The following HHAT variants were observed in gnomAD, a reference collection of about 807,000 sequenced individuals.
The protein encoded by HHAT is protein-cysteine N-palmitoyltransferase HHAT.
A neutral mutation model predicts 70.8 loss-of-function variants in HHAT; 47 were observed. The observed-to-expected ratio is 0.66, with a 90% CI of 0.53 to 0.85. The LOEUF (loss-of-function observed/expected upper bound fraction) is 0.85. Ranked by LOEUF, HHAT falls within the 40% of genes least tolerant of loss-of-function variation. HHAT has a pLI of 0.00. For missense variants in HHAT, 609 were observed against 604.8 expected, an observed-to-expected ratio of 1.01 and a Z score of -0.07; for synonymous variants, 228 against 247.6, an observed-to-expected ratio of 0.92 and a Z score of 0.74.
At chr1:210,500,048 G>A (rs2094723964) in intron 8 of HHAT, among the ~76,000 whole-genome samples, 1 of 152,288 alleles carries the variant, frequency 6.6e-6, no homozygotes, top group Non-Finnish European at 1.5e-5. Context: ...CAATATAAAA[G>A]GAGGGAAAGC....
chr1:210,511,482 G>A (rs954258640), intron 8 of HHAT, among the ~76,000 whole-genome samples: 3 of 152,144 alleles, frequency 2.0e-5, no homozygotes, highest in African/African-American at 7.2e-5. Flanking sequence ...GTAATCACCT[G>A]TCATATGTCA....
rs1553312397 is a variant in HHAT at position 210,637,871 on chromosome 1, A to AG, written c.1390+14209dup. On this transcript the variant is annotated intron_variant, in intron 11 of 11. Coordinates refer to ENST00000261458, the MANE Select transcript of HHAT (RefSeq NM_018194.6). ...GAGACTCCGTCTCAAAAAAAAAAAA[A>AG]GGGGGGGGCAAAGGACCTGAATAGA... 1.7e-3 allele frequency among the ~76,000 whole-genome samples: 203 copies of AG among 117,502 alleles called. 9 individuals are homozygous for AG. The South Asian group carries it at 0.021, about 12-fold the overall frequency. 77.1% of individuals were successfully genotyped at this position (117,502 alleles called of 152,430 possible).
chr1:210,510,951 A>G (rs764209411), intron 8 of HHAT, among the ~76,000 whole-genome samples: 1 of 152,156 alleles, frequency 6.6e-6, no homozygotes, highest in African/African-American at 2.4e-5. Context: ...AAAAGGCTCT[A>G]CAAGCTTTGG....
chr1:210,538,124 A>T (rs1558117907), intron 9 of HHAT, among the ~76,000 whole-genome samples: 1 of 150,188 alleles, frequency 6.7e-6, no homozygotes. Context: ...GAATGGATTC[A>T]TTGTATCCCG....
At chr1:210,514,654 A>G (rs544675537) in intron 9 of HHAT, among the ~76,000 whole-genome samples, 1 of 152,304 alleles carries the variant, frequency 6.6e-6, no homozygotes, top group East Asian at 1.9e-4. Flanking sequence ...TATAGGATCA[A>G]CCTTCAACAA....
intron 7 of HHAT, chr1:210,439,782 C>T (rs2093463576): frequency 6.6e-6 from 1 of 151,996 alleles, no homozygotes; most frequent in African/African-American, 2.4e-5. Context: ...CATCTGAAAG[C>T]CTTACACAGG....
intron 10 of HHAT, among the ~76,000 whole-genome samples, chr1:210,598,608 GC>G (rs1198983001): frequency 6.6e-6 from 1 of 152,172 alleles, no homozygotes; most frequent in East Asian, 1.9e-4. Context: ...TGACAGGGCA[GC>G]CCTGAGTTCC....
intron 9 of HHAT, among the ~76,000 whole-genome samples, chr1:210,545,118 T>C (rs533847785): frequency 6.6e-6 from 1 of 152,098 alleles, no homozygotes; most frequent in East Asian, 1.9e-4. Flanking sequence ...CAAGGTACCC[T>C]TTGCTTAAAA....
chr1:210,473,429 G>A (rs1272261202), intron 8 of HHAT, among the ~76,000 whole-genome samples: 1 of 152,120 alleles, frequency 6.6e-6, no homozygotes, highest in Non-Finnish European at 1.5e-5. Flanking sequence ...GCCAAGAGGA[G>A]GGGTCCATTC....
intron 9 of HHAT, among the ~76,000 whole-genome samples, chr1:210,553,535 G>A (rs1424921987): frequency 1.3e-5 from 2 of 152,202 alleles, no homozygotes; most frequent in East Asian, 3.9e-4. Context: ...TCTGGGTATC[G>A]GAGTTACAGT....
intron 11 of HHAT, among the ~76,000 whole-genome samples, chr1:210,670,383 G>A (rs898605087): frequency 6.6e-6 from 1 of 152,194 alleles, no homozygotes; most frequent in Non-Finnish European, 1.5e-5. Flanking sequence ...GAGTAGTGCT[G>A]AAGGGTGACA....
intron 9 of HHAT, among the ~76,000 whole-genome samples, chr1:210,540,636 AT>A (rs34401666): frequency 0.042 from 6,222 of 147,490 alleles, 436 homozygotes; most frequent in African/African-American, 0.15. Flanking sequence ...GTAGTTATTG[AT>A]TTTTTTTTTT....
intron 9 of HHAT, among the ~76,000 whole-genome samples, chr1:210,562,289 C>T (rs143526355): frequency 1.3e-5 from 2 of 151,368 alleles, no homozygotes; most frequent in Non-Finnish European, 2.9e-5. Flanking sequence ...TAATCTGCAT[C>T]GTTGACGTTG....
rs549204641 is a variant in HHAT, at chr1:210,329,381, C to T, written c.-44+277C>T. 21 of 1,160,846 alleles carry T rather than the reference C, an allele frequency of 1.8e-5. No homozygotes were observed. In the South Asian group the frequency reaches 2.6e-4, roughly 14 times the overall value. The allele number at this position is 1,160,846 out of a possible 1,614,324, so 71.9% of individuals were successfully genotyped here. ...TGCCCACGTCCTCTCTCCTTGGCTT[C>T]GTCCCCAGCTTCCGGAACTGCTGCG... On this transcript the variant is annotated intron_variant, in intron 1 of 11. Transcript: ENST00000261458.
intron 8 of HHAT, among the ~76,000 whole-genome samples, chr1:210,502,589 A>G (rs2094780271): frequency 6.6e-6 from 1 of 152,282 alleles, no homozygotes; most frequent in East Asian, 1.9e-4. Context: ...ATGCATTTAC[A>G]TATTTATCAG....
chr1:210,638,175 C>T (rs1672277395), intron 11 of HHAT, among the ~76,000 whole-genome samples: 1 of 152,164 alleles, frequency 6.6e-6, no homozygotes, highest in African/African-American at 2.4e-5. Context: ...TATGACATAG[C>T]AATTCTACTC....
In HHAT at chr1:210,604,961, C is replaced by T. The variant is rs184297259; in HGVS notation, c.1245+16862C>T. ...AGGCCAGGAGTTCTGTGCTATAGCA[C>T]GCTGTGATTGTACTTGGCAAATAGC... On this transcript the variant is annotated intron_variant, in intron 10 of 11. Transcript: ENST00000261458. Among the ~76,000 whole-genome samples the T allele has an allele frequency of 2.1e-3, 318 of 152,170 alleles. 1 individual carries two copies. The highest frequency in any genetic ancestry group is 6.9e-3 in the African/African-American group (287 of 41,510).
At chr1:210,552,837 G>C (rs547375410) in intron 9 of HHAT, among the ~76,000 whole-genome samples, 1 of 152,260 alleles carries the variant, frequency 6.6e-6, no homozygotes, top group Non-Finnish European at 1.5e-5. Context: ...TTCTCCTTGA[G>C]AAACCTTCCT....
At chr1:210,328,865 C>T (rs1201552331), upstream of HHAT, 6 of 465,522 alleles carry the variant, frequency 1.3e-5, no homozygotes, top group Non-Finnish European at 2.1e-5. Context: ...GCCCGGAGAG[C>T]GCCGCGGGTT....
Sources: allele counts gnomAD v4.1 joint callset (sites outside exome capture counted in the v4.1 genomes callset), GRCh38; gene constraint gnomAD v4.1.1; transcripts MANE v1.5; gene names NCBI Gene and HGNC (gene_info 2026-07-23, HGNC 2026-07-21).